The following COL9A1 variants were observed in gnomAD, a reference collection of about 807,000 sequenced individuals.
COL9A1 encodes collagen alpha-1(IX) chain.
In COL9A1, 104 loss-of-function variants were observed where a neutral mutation model predicts 142.6. The observed-to-expected ratio is 0.73, with a 90% CI of 0.62 to 0.86. COL9A1 has a LOEUF of 0.86. COL9A1 is among the 40% of genes least tolerant of loss of function. COL9A1 has a pLI of 0.00. For missense variants in COL9A1, 1,210 were observed against 1,176.6 expected, an observed-to-expected ratio of 1.03 and a Z score of -0.42; for synonymous variants, 466 against 396.0, an observed-to-expected ratio of 1.18 and a Z score of -2.10.
At chr6:70,263,850 A>T (rs1771850533) in intron 18 of COL9A1, among the ~76,000 whole-genome samples, 1 of 151,926 alleles carries the variant, frequency 6.6e-6, no homozygotes, top group South Asian at 2.1e-4. Context: ...ACTCATAGAA[A>T]AGCCTTTTCC....
At chr6:70,263,890 T>A (rs1771853648) in intron 18 of COL9A1, among the ~76,000 whole-genome samples, 1 of 151,982 alleles carries the variant, frequency 6.6e-6, no homozygotes, top group Non-Finnish European at 1.5e-5. Flanking sequence ...ATTTATATTT[T>A]TGCTCTATTT....
chr6:70,270,198 G>A (rs1034907994), intron 15 of COL9A1, 116 bp downstream of exon 15: 21 of 1,028,358 alleles, frequency 2.0e-5, no homozygotes, highest in South Asian at 5.2e-5. Flanking sequence ...ATTGATAGCC[G>A]TTTTGGAAAT....
At chr6:70,233,903 A>G (rs1479417638) in intron 35 of COL9A1, among the ~76,000 whole-genome samples, 2 of 152,252 alleles carry the variant, frequency 1.3e-5, no homozygotes, top group Non-Finnish European at 2.9e-5. Flanking sequence ...CTCCTCAGCT[A>G]TAGGGTGCTT....
rs764736044 is a variant in COL9A1, at chr6:70,280,899, G to C, written c.913-25C>G. 14 of 1,612,908 alleles carry C rather than the reference G, an allele frequency of 8.7e-6. No individual in the cohort carries two copies. In the South Asian group the frequency reaches 9.9e-5, roughly 11 times the overall value. Reference sequence around the variant, plus strand: ...CCTGAGCAGGGGCAGAAGGGTGCGGGGGCAGGAGAGAAAAAGGTGCAAAGT... The same window carrying C: ...CCTGAGCAGGGGCAGAAGGGTGCGGCGGCAGGAGAGAAAAAGGTGCAAAGT... On this transcript the variant is annotated intron_variant, in intron 9 of 37. Coordinates refer to ENST00000357250, the MANE Select transcript of COL9A1 (RefSeq NM_001851.6).
rs947265710 is a variant in COL9A1 at position 70,276,242 on chromosome 6, CACAA to C, written c.976-1474_976-1471del. ...TAATGAAATGTTTGCTTTGGCATTT[CACAA>C]ACAAACTATACATCCAGGAGCACTC... is the stretch of plus-strand genomic sequence containing the variant. On this transcript the variant is annotated intron_variant, in intron 10 of 37. Coordinates refer to ENST00000357250, the MANE Select transcript of COL9A1 (RefSeq NM_001851.6). 1.9e-4 allele frequency among the ~76,000 whole-genome samples: 29 copies of C among 152,218 alleles called. No individual in the cohort carries two copies. The East Asian group carries it at 4.6e-3, about 24-fold the overall frequency.
At chr6:70,250,205 G>A (rs1303024771) in intron 28 of COL9A1, among the ~76,000 whole-genome samples, 1 of 152,070 alleles carries the variant, frequency 6.6e-6, no homozygotes, top group African/African-American at 2.4e-5. Flanking sequence ...AGATTGCAGT[G>A]AGCCAAGATC....
chr6:70,282,792 G>A (rs1421960467), intron 7 of COL9A1, 106 bp downstream of exon 7: 2 of 1,544,410 alleles, frequency 1.3e-6, no homozygotes, highest in Non-Finnish European at 1.8e-6. Context: ...GGGTCTGAGA[G>A]CCCTGGGGAT....
At chr6:70,264,841 A>G (rs577597970) in intron 18 of COL9A1, among the ~76,000 whole-genome samples, 1 of 152,252 alleles carries the variant, frequency 6.6e-6, no homozygotes, top group African/African-American at 2.4e-5. Flanking sequence ...ATTAATTCCT[A>G]TATTCATAAA....
chr6:70,219,527 A>G (rs1047496327), intron 37 of COL9A1, among the ~76,000 whole-genome samples: 1 of 152,214 alleles, frequency 6.6e-6, no homozygotes, highest in Admixed American at 6.5e-5. Context: ...TTATAAAGAA[A>G]CAAGCCTGGA....
intron 16 of COL9A1, 59 bp from the exon 17 acceptor site, chr6:70,268,919 C>T (rs1772218682): frequency 6.8e-7 from 1 of 1,461,546 alleles, no homozygotes; most frequent in African/African-American, 1.4e-5. Flanking sequence ...TAAACTAGGA[C>T]TCCCGCTTTG....
At chr6:70,240,802 A>G in intron 31 of COL9A1, 69 bp from the exon 32 acceptor site, 1 of 1,179,310 alleles carries the variant, frequency 8.5e-7, no homozygotes, top group East Asian at 2.3e-5. Context: ...ACCAGTAAAC[A>G]TTGATAAGCA....
intron 37 of COL9A1, among the ~76,000 whole-genome samples, chr6:70,221,797 G>T (rs1319708659): frequency 6.6e-6 from 1 of 152,138 alleles, no homozygotes; most frequent in African/African-American, 2.4e-5. Context: ...GAGTGACGAG[G>T]AACTAGTCCC....
chr6:70,266,729 T>C lies in COL9A1; in HGVS notation c.1329A>G (p.Arg443=). 1 of 1,613,262 alleles carries C rather than the reference T, an allele frequency of 6.2e-7. No individual in the cohort carries two copies. The highest frequency in any genetic ancestry group is 2.2e-5 in the East Asian group (1 of 44,808). The part of the protein sequence containing the change: ...GAKGEIGEPG[R]QGHKGEEGDQ... ...CCATTTTCCTTACCTTGTGTCCTTG[T>C]CTTCCTGGTTCACCAATTTCTCCTT... The change falls in exon 18 of 38, where the codon AGA becomes AGG. Residue 443 remains arginine, a synonymous_variant. Transcript: ENST00000357250.
At chr6:70,258,242 T>C (rs1384796303) in intron 20 of COL9A1, among the ~76,000 whole-genome samples, 1 of 152,186 alleles carries the variant, frequency 6.6e-6, no homozygotes, top group Non-Finnish European at 1.5e-5. Flanking sequence ...TAAAAAGGCA[T>C]AATGAGGCAG....
At chr6:70,287,633 TCTC>T (rs3046900) in intron 5 of COL9A1, among the ~76,000 whole-genome samples, 22,105 of 152,032 alleles carry the variant, frequency 0.15, 2,180 homozygotes, top group East Asian at 0.46. Flanking sequence ...CTCCAATTCT[TCTC>T]CTCATTTTCT....
chr6:70,216,652 T>G lies in COL9A1; in HGVS notation c.*245A>C. 2 of 520,950 alleles carry G rather than the reference T, an allele frequency of 3.8e-6. No homozygotes were observed. Among genetic ancestry groups the G allele is most frequent in the East Asian group, 6.6e-5 (2 of 30,274 alleles). 32.3% of individuals were successfully genotyped at this position (520,950 alleles called of 1,614,324 possible). On this transcript the variant is annotated 3_prime_UTR_variant, in exon 38 of 38. Coordinates refer to ENST00000357250, the MANE Select transcript of COL9A1 (RefSeq NM_001851.6). ...ATTTATTCAAGGGAGGTGTTTGGTT[T>G]TCTTTTTTTTTTTTTAACTGATGAC...
At chr6:70,280,338 G>A in intron 10 of COL9A1, 1 of 1,201,666 alleles carries the variant, frequency 8.3e-7, no homozygotes, top group Non-Finnish European at 1.0e-6. Flanking sequence ...ATTTAGGAGT[G>A]CTCTGGCCCT....
At chr6:70,282,816 C>T in intron 7 of COL9A1, 82 bp downstream of exon 7, 1 of 1,606,172 alleles carries the variant, frequency 6.2e-7, no homozygotes. Flanking sequence ...CCGCGCCTTT[C>T]TCACAGCTCC....
intron 37 of COL9A1, among the ~76,000 whole-genome samples, chr6:70,224,623 A>C (rs1246957160): frequency 6.6e-6 from 1 of 152,174 alleles, no homozygotes; most frequent in Non-Finnish European, 1.5e-5. Context: ...GTCAGCCTCA[A>C]AACTTCCTAT....
Sources: gnomAD v4.1 joint callset for allele counts (sites outside exome capture counted in the v4.1 genomes callset) on GRCh38, gnomAD v4.1.1 for gene constraint, MANE v1.5 for transcripts, NCBI Gene and HGNC (gene_info 2026-07-23, HGNC 2026-07-21) for gene names.